The following BMP1 variants were observed in gnomAD, a reference collection of about 807,000 sequenced individuals.
BMP1 encodes mammalian tolloid protein.
A neutral mutation model predicts 116.8 loss-of-function variants in BMP1; 63 were observed. The ratio of observed to expected loss-of-function variants is 0.54; its 90% confidence interval spans 0.44 to 0.67. The LOEUF (loss-of-function observed/expected upper bound fraction) is 0.67, where lower values mean the gene tolerates loss of function less well. Ranked by LOEUF, BMP1 falls within the 30% of genes least tolerant of loss-of-function variation. BMP1 has a pLI of 0.00. For missense variants in BMP1, 1,183 were observed against 1,358.9 expected (o/e 0.87, Z 2.04); for synonymous variants, 536 against 533.4 (o/e 1.00, Z -0.07).
chr8:22,192,307 T>C lies in BMP1; in HGVS notation c.1180+156T>C, dbSNP rs557995282. 56 of 607,426 alleles carry C rather than the reference T, an allele frequency of 9.2e-5. No homozygotes were observed. The East Asian group carries it at 1.6e-3, about 17-fold the overall frequency. 37.6% of individuals were successfully genotyped at this position (607,426 alleles called of 1,614,324 possible). ...CCTGGCATCATTAGTCCCAGATAGC[T>C]GCATTACTCACTTGCTGCGAGACTT... On this transcript the variant is annotated intron_variant, in intron 9 of 19. Coordinates refer to ENST00000306385, the MANE Select transcript of BMP1 (RefSeq NM_006129.5).
intron 1 of BMP1, among the ~76,000 whole-genome samples, chr8:22,166,244 G>A (rs12542681): frequency 2.6e-5 from 4 of 151,638 alleles, no homozygotes; most frequent in Non-Finnish European, 4.4e-5. Flanking sequence ...AGAGACCCCC[G>A]CCAAGGCCAA....
intron 15 of BMP1, among the ~76,000 whole-genome samples, chr8:22,198,161 GT>G (rs1829146158): frequency 6.6e-6 from 1 of 152,198 alleles, no homozygotes; most frequent in African/African-American, 2.4e-5. Flanking sequence ...TCCAGACCCT[GT>G]TTCTAAAAAT....
chr8:22,176,665 C>G lies in BMP1; in HGVS notation c.551+15C>G, dbSNP rs1246058283. 7.4e-6 allele frequency: 12 copies of G among 1,613,192 alleles called. No homozygotes were observed. The highest frequency in any genetic ancestry group is 1.0e-5 in the Non-Finnish European group (12 of 1,179,192). Reference sequence around the variant, plus strand: ...CGACCTTGCGGGTGAGCAGGAAGCCCTAGGCGCTGTACCTTCCGCCATTGC... The same window carrying G: ...CGACCTTGCGGGTGAGCAGGAAGCCGTAGGCGCTGTACCTTCCGCCATTGC... On this transcript the variant is annotated intron_variant, in intron 4 of 19. Transcript: ENST00000306385.
At position 22,194,191 on chromosome 8, in the gene BMP1, C is replaced by T. The variant is rs188095506; in HGVS notation, c.1297+17C>T. 178 of 1,608,232 alleles carry T rather than the reference C, an allele frequency of 1.1e-4. No individual in the cohort carries two copies. The African/African-American group carries it at 1.8e-3, about 16-fold the overall frequency. On this transcript the variant is annotated intron_variant, in intron 10 of 19. Coordinates refer to ENST00000306385, the MANE Select transcript of BMP1 (RefSeq NM_006129.5). The surrounding 1 kb of genome is among the most constrained non-coding windows in gnomAD (Gnocchi z 4.5). ...TCTACGAAGGTACTGAGGAAGGCGG[C>T]GGGCGGGAGGAGTCAGATAGGAGGT...
At chr8:22,201,662 C>T (rs1054231864) in intron 15 of BMP1, 141 bp from the exon 16 acceptor site, 15 of 1,429,464 alleles carry the variant, frequency 1.0e-5, no homozygotes, top group African/African-American at 8.6e-5. Context: ...CTCCCACTCC[C>T]GGCCACCTGG....
At chr8:22,181,548 A>C (rs1254991394) in intron 8 of BMP1, among the ~76,000 whole-genome samples, 1 of 147,542 alleles carries the variant, frequency 6.8e-6, no homozygotes, top group Non-Finnish European at 1.5e-5. Context: ...TTCTCTAGCC[A>C]GCTCTTTTTT....
At chr8:22,197,528 C>A in intron 15 of BMP1, 108 bp downstream of exon 15, 1 of 1,287,986 alleles carries the variant, frequency 7.8e-7, no homozygotes, top group Non-Finnish European at 1.1e-6. Flanking sequence ...TGGTGCCAGG[C>A]AGGCAGAGTC....
At position 22,176,161 on chromosome 8, in the gene BMP1, C is replaced by T. The variant is rs1371876007; in HGVS notation, c.281C>T (p.Thr94Ile). 2 of 1,614,140 alleles carry T rather than the reference C, an allele frequency of 1.2e-6. No homozygotes were observed. The highest frequency in any genetic ancestry group is 1.7e-6 in the Non-Finnish European group (2 of 1,180,022). ...CTCTCAGTTCCAGGAAACACTTCTA[C>T]CCCCAGCTGCCAGAGCACCAACGGG... ...IKAAVPGNTS[T>I]PSCQSTNGQP... Residue 94 changes from threonine to isoleucine, a missense_variant, in exon 3 of 20, where the codon ACC becomes ATC. Thr to Ile is a moderately conservative substitution (Grantham distance 89). Transcript: ENST00000306385.
intron 8 of BMP1, among the ~76,000 whole-genome samples, chr8:22,190,928 T>A (rs1828914596): frequency 6.6e-6 from 1 of 152,108 alleles, no homozygotes; most frequent in African/African-American, 2.4e-5. Context: ...GGTGAACACA[T>A]CCCTGGAATC....
chr8:22,179,936 A>G lies in BMP1; in HGVS notation c.961+107A>G. 1 of 1,270,184 alleles carries G rather than the reference A, an allele frequency of 7.9e-7. No individual in the cohort carries two copies. Among genetic ancestry groups the G allele is most frequent in the Non-Finnish European group, 1.1e-6 (1 of 926,310 alleles). 78.7% of individuals were successfully genotyped at this position (1,270,184 alleles called of 1,614,324 possible). Reference sequence around the variant, plus strand: ...AAGGCTTAGGCTGCAAGTCTTAGAGAATGGTGTGGCGGGGGAGGGGACCCC... The same window carrying G: ...AAGGCTTAGGCTGCAAGTCTTAGAGGATGGTGTGGCGGGGGAGGGGACCCC... On this transcript the variant is annotated intron_variant, in intron 7 of 19. Coordinates refer to ENST00000306385, the MANE Select transcript of BMP1 (RefSeq NM_006129.5). The surrounding 1 kb of genome is among the most constrained non-coding windows in gnomAD (Gnocchi z 4.6).
Position 22,202,830 on chromosome 8 carries a change from G to A in BMP1, c.2233+902G>A, listed in dbSNP as rs144110068. ...TTAAGACCAACCTGGGCAACATGGC[G>A]AAACCCCATCTCTACAATAAATACA... On this transcript the variant is annotated intron_variant, in intron 16 of 19. Transcript: ENST00000306385. Among the ~76,000 whole-genome samples the A allele has an allele frequency of 5.1e-3, 783 of 152,080 alleles. 4 individuals are homozygous for A. Among genetic ancestry groups the A allele is most frequent in the African/African-American group, 0.018 (735 of 41,472 alleles).
rs896312781 is a variant in BMP1 at position 22,194,361 on chromosome 8, T to G, written c.1298-84T>G. 1.0e-5 allele frequency: 16 copies of G among 1,560,094 alleles called. No homozygotes were observed. The highest frequency in any genetic ancestry group is 1.3e-5 in the Non-Finnish European group (15 of 1,143,244). On this transcript the variant is annotated intron_variant, in intron 10 of 19. Transcript: ENST00000306385. This position sits in a 1 kb window ranked among gnomAD's most constrained non-coding sequence, Gnocchi z 4.5. ...AAAAGCTGGGGGACATGGGAGGGAC[T>G]GGAGGAGTGGGGAAAAGAGCTCCCT...
intron 8 of BMP1, among the ~76,000 whole-genome samples, chr8:22,187,478 C>T (rs1389192186): frequency 2.0e-5 from 3 of 150,392 alleles, no homozygotes; most frequent in Admixed American, 2.0e-4. Flanking sequence ...CTACAGGAGC[C>T]CGCCACCACG....
chr8:22,210,647 A>T (rs1213790775), intron 19 of BMP1, among the ~76,000 whole-genome samples: 1 of 151,878 alleles, frequency 6.6e-6, no homozygotes, highest in Non-Finnish European at 1.5e-5. Flanking sequence ...CATTGGCTGA[A>T]CCTCCCCCAG....
At chr8:22,171,642 G>A (rs1484652416) in intron 1 of BMP1, 2 of 152,202 alleles carry the variant, frequency 1.3e-5, no homozygotes, top group Non-Finnish European at 2.9e-5. Flanking sequence ...GTTCTAGAGA[G>A]TGCAGTGGTT....
chr8:22,202,706 A>C (rs1343104888), intron 16 of BMP1, among the ~76,000 whole-genome samples: 1 of 152,210 alleles, frequency 6.6e-6, no homozygotes, highest in African/African-American at 2.4e-5. Context: ...ACAGGTTTTT[A>C]AACTAGAAAT....
chr8:22,211,670 G>A lies in BMP1; in HGVS notation c.2903G>A (p.Gly968Asp). ...TCGGATGACACCATCACCAAAAAAG[G>A]TTTCCACCTGCGATACACCAGCACC... ...FHSDDTITKK[G>D]FHLRYTSTKF... Residue 968 changes from glycine to aspartate, a missense_variant, in exon 20 of 20, where the codon GGT (glycine) becomes GAT (aspartate). Gly to Asp is a moderately conservative substitution (Grantham distance 94). This residue lies in a region of BMP1 where 956 missense variants were observed against 1,135.2 expected (regional missense o/e 0.84). Transcript: ENST00000306385. 2 of 1,614,140 alleles carry A rather than the reference G, an allele frequency of 1.2e-6. No homozygotes were observed. The highest frequency in any genetic ancestry group is 2.2e-5 in the East Asian group (1 of 44,876).
chr8:22,182,487 C>A (rs968682306), intron 8 of BMP1, among the ~76,000 whole-genome samples: 1 of 152,306 alleles, frequency 6.6e-6, no homozygotes, highest in East Asian at 1.9e-4. Flanking sequence ...CTTCTGAGAC[C>A]ATACCTTGGT....
intron 8 of BMP1, among the ~76,000 whole-genome samples, chr8:22,184,204 C>T (rs1265359420): frequency 2.0e-5 from 3 of 152,220 alleles, no homozygotes; most frequent in Admixed American, 6.5e-5. Flanking sequence ...TCAGGTGGCA[C>T]GCTACTTACC....
Sources: gnomAD v4.1 joint callset for allele counts (sites outside exome capture counted in the v4.1 genomes callset) on GRCh38, gnomAD v4.1.1 for gene constraint, gnomAD v4.1.1 regional missense constraint, Gnocchi (gnomAD v3.1) non-coding constraint, MANE v1.5 for transcripts, NCBI Gene and HGNC (gene_info 2026-07-23, HGNC 2026-07-21) for gene names.